Variants in PPP6R3 observed in about 807,000 individuals in gnomAD.
The protein encoded by PPP6R3 is protein phosphatase 6 regulatory subunit 3, also known as serine/threonine-protein phosphatase 6 regulatory subunit 3.
PPP6R3 carries 38 observed loss-of-function variants against 110.7 expected under a neutral mutation model. The observed-to-expected ratio is 0.34, with a 90% CI of 0.26 to 0.45. The LOEUF is 0.45. Among genes scored for constraint, PPP6R3 ranks in the 20% least tolerant of loss-of-function variants. The pLI, the probability that PPP6R3 is intolerant of heterozygous loss-of-function variation, is 1.00. For missense variants in PPP6R3, 870 were observed against 1,062.4 expected (o/e 0.82, Z 2.52); for synonymous variants, 369 against 373.5 (o/e 0.99, Z 0.14).
At chr11:68,486,366 G>C (rs1371237694) in intron 1 of PPP6R3, among the ~76,000 whole-genome samples, 2 of 152,054 alleles carry the variant, frequency 1.3e-5, no homozygotes, top group Non-Finnish European at 1.5e-5. Context: ...AGCACTTTGG[G>C]AGGCCGAGGC....
In PPP6R3 at chr11:68,551,183, A is replaced by T. The variant is rs147458286; in HGVS notation, c.615A>T (p.Glu205Asp). Residue 205 changes from glutamate to aspartate, a missense_variant, in exon 6 of 24, where the codon GAA becomes GAT. Transcript: ENST00000393800. ...LVEIVHPSQE[E>D]DRHSNASQSL... ...AAATAGTTCATCCATCGCAAGAAGA[A>T]GATGTAAGTTCACTTGTGTGACTGT... The T allele has an allele frequency of 1.7e-5, 27 of 1,608,088 alleles. No homozygotes were observed. The highest frequency in any genetic ancestry group is 6.7e-5 in the East Asian group (3 of 44,842).
intron 4 of PPP6R3, among the ~76,000 whole-genome samples, chr11:68,546,477 T>C (rs7107592): frequency 1 from 152,141 of 152,360 alleles, 75,962 homozygotes; most frequent in Middle Eastern, 1. Flanking sequence ...ACAAGAGCCC[T>C]TCGGCCTTTT....
chr11:68,589,644 G>A (rs2099589357), intron 16 of PPP6R3, among the ~76,000 whole-genome samples: 1 of 152,200 alleles, frequency 6.6e-6, no homozygotes, highest in Non-Finnish European at 1.5e-5. Context: ...AGGAGACACG[G>A]TTATGCCACA....
intron 18 of PPP6R3, among the ~76,000 whole-genome samples, chr11:68,594,354 G>A (rs1451966566): frequency 6.6e-6 from 1 of 151,202 alleles, no homozygotes; most frequent in Non-Finnish European, 1.5e-5. Context: ...GAGTGAGAGA[G>A]AGAGAGAGTG....
At position 68,615,116 on chromosome 11, in the gene PPP6R3, T is replaced by A; in HGVS notation, c.*1999T>A. 1 of 460,168 alleles carries A rather than the reference T, an allele frequency of 2.2e-6. No individual in the cohort carries two copies. The highest frequency in any genetic ancestry group is 4.4e-6 in the Non-Finnish European group (1 of 229,674). The allele number at this position is 460,168 out of a possible 1,614,324, so 28.5% of individuals were successfully genotyped here. A position where few individuals can be genotyped will look rare whatever the true frequency, so the allele number is the denominator to read the frequency against. ...TTTTCTTTGGGGCATCATTTTGTTT[T>A]GTCTTTCGTAGCAGGGAAAGGATAT... is the stretch of plus-strand genomic sequence containing the variant. On this transcript the variant is annotated 3_prime_UTR_variant, in exon 24 of 24. Transcript: ENST00000393800.
chr11:68,469,424 G>A (rs189967045), intron 1 of PPP6R3, among the ~76,000 whole-genome samples: 22 of 152,154 alleles, frequency 1.4e-4, no homozygotes, highest in Admixed American at 1.1e-3. Context: ...AGAGTCCCAG[G>A]CTGGAGTGCA....
intron 1 of PPP6R3, among the ~76,000 whole-genome samples, chr11:68,509,668 A>G (rs928460551): frequency 5.3e-5 from 8 of 150,384 alleles, no homozygotes; most frequent in Non-Finnish European, 8.9e-5. Context: ...TTGGAGTGCT[A>G]TGGCACAATC....
At chr11:68,505,096 G>T (rs1166214518) in intron 1 of PPP6R3, 1 of 152,068 alleles carries the variant, frequency 6.6e-6, no homozygotes, top group Non-Finnish European at 1.5e-5. Context: ...AGAATTTTAG[G>T]ATTTGAAGTG....
rs781080577 is a variant in PPP6R3 at position 68,548,201 on chromosome 11, G to A, written c.549G>A (p.Leu183=). 5.0e-6 allele frequency: 8 copies of A among 1,613,820 alleles called. No homozygotes were observed. Among genetic ancestry groups the A allele is most frequent in the Non-Finnish European group, 6.8e-6 (8 of 1,179,948 alleles). The change falls in exon 5 of 24, where the codon CTG becomes CTA. Residue 183 remains leucine, a synonymous_variant. Coordinates refer to ENST00000393800, the MANE Select transcript of PPP6R3 (RefSeq NM_001164161.2). The stretch of plus-strand genomic sequence containing the variant: ...CTCCACAGCCCAGGCAAGATGTGCT[G>A]AATGTGAGTAGAATTCTGACCTGCT... ...IEPPQPRQDV[L]NWLNEEKIIQ...
At chr11:68,591,742 A>C (rs1333276609) in intron 18 of PPP6R3, 36 bp downstream of exon 18, 3 of 1,585,534 alleles carry the variant, frequency 1.9e-6, no homozygotes, top group Non-Finnish European at 2.6e-6. Context: ...AATTATAGCC[A>C]ACCTGTAAAG....
In PPP6R3 at chr11:68,613,952, G is replaced by C. The variant is rs1944665987; in HGVS notation, c.*835G>C. ...TTTGTTTGTTTTTTTGTTTCATTTG[G>C]TAGTTCATCTGCCTTTTAACCCATT... is the stretch of plus-strand genomic sequence containing the variant. On this transcript the variant is annotated 3_prime_UTR_variant, in exon 24 of 24. Transcript: ENST00000393800. 1.0e-6 allele frequency: 1 copy of C among 976,998 alleles called. No individual in the cohort carries two copies. The allele number at this position is 976,998 out of a possible 1,614,324, so 60.5% of individuals were successfully genotyped here.
In PPP6R3 at chr11:68,613,729, T is replaced by G. The variant is rs576670161; in HGVS notation, c.*612T>G. The G allele has an allele frequency of 4.1e-6, 4 of 976,286 alleles. No individual in the cohort carries two copies. The South Asian group carries it at 1.9e-4, about 46-fold the overall frequency. The allele number at this position is 976,286 out of a possible 1,614,324, so 60.5% of individuals were successfully genotyped here. ...TGTATTGTTTAAAACGGATCAAAAA[T>G]GTAAGTCTATTGGTAGAGATTAAGT... is the stretch of plus-strand genomic sequence containing the variant. On this transcript the variant is annotated 3_prime_UTR_variant, in exon 24 of 24. Coordinates refer to ENST00000393800, the MANE Select transcript of PPP6R3 (RefSeq NM_001164161.2).
At chr11:68,528,928 G>A (rs989835760) in intron 2 of PPP6R3, among the ~76,000 whole-genome samples, 4 of 152,190 alleles carry the variant, frequency 2.6e-5, no homozygotes, top group Non-Finnish European at 4.4e-5. Flanking sequence ...AGTATGAACA[G>A]CCTTGCCTCA....
At chr11:68,540,358 C>G (rs2099307344) in intron 3 of PPP6R3, among the ~76,000 whole-genome samples, 1 of 152,094 alleles carries the variant, frequency 6.6e-6, no homozygotes, top group African/African-American at 2.4e-5. Context: ...GCCACAAAAA[C>G]CAGCAAGTTT....
intron 1 of PPP6R3, among the ~76,000 whole-genome samples, chr11:68,495,946 C>A (rs1308788586): frequency 6.6e-6 from 1 of 152,222 alleles, no homozygotes; most frequent in Non-Finnish European, 1.5e-5. Flanking sequence ...TACATTCCCA[C>A]CAGCAATGTG....
intron 1 of PPP6R3, among the ~76,000 whole-genome samples, chr11:68,511,624 G>A (rs2099110608): frequency 6.6e-6 from 1 of 151,538 alleles, no homozygotes; most frequent in Non-Finnish European, 1.5e-5. Context: ...GGGATTACAG[G>A]TGTGTGCCAC....
At chr11:68,558,717 G>A in intron 8 of PPP6R3, 38 bp downstream of exon 8, 1 of 1,483,790 alleles carries the variant, frequency 6.7e-7, no homozygotes. Flanking sequence ...GAACCATGTT[G>A]TTTTGCTTTC....
At chr11:68,581,543 C>T (rs1048099260) in intron 14 of PPP6R3, among the ~76,000 whole-genome samples, 3 of 152,238 alleles carry the variant, frequency 2.0e-5, no homozygotes, top group Non-Finnish European at 4.4e-5. Context: ...CACACTGGCC[C>T]AGCATGATAT....
chr11:68,546,493 T>A (rs1338844141), intron 4 of PPP6R3, among the ~76,000 whole-genome samples: 2 of 152,212 alleles, frequency 1.3e-5, no homozygotes, highest in Non-Finnish European at 2.9e-5. Context: ...CTTTTGCTTG[T>A]TACACTTCCC....
Sources: gnomAD v4.1 joint callset for allele counts (sites outside exome capture counted in the v4.1 genomes callset) on GRCh38, gnomAD v4.1.1 for gene constraint, MANE v1.5 for transcripts, NCBI Gene and HGNC (gene_info 2026-07-23, HGNC 2026-07-21) for gene names.